The following ATRNL1 variants were observed in gnomAD, a reference collection of about 807,000 sequenced individuals.
ATRNL1 encodes the protein attractin-like protein 1.
A neutral mutation model predicts 182.7 loss-of-function variants in ATRNL1; 95 were observed. The observed-to-expected ratio is 0.52, with a 90% CI of 0.44 to 0.62. The LOEUF (loss-of-function observed/expected upper bound fraction) is 0.62, where lower values mean the gene tolerates loss of function less well. Among genes scored for constraint, ATRNL1 ranks in the 20% least tolerant of loss-of-function variants. The pLI, the probability that ATRNL1 is intolerant of heterozygous loss-of-function variation, is 0.00. For synonymous variants in ATRNL1, 576 were observed against 568.3 expected (o/e 1.01, Z -0.19); for missense variants, 1,471 against 1,679.5 (o/e 0.88, Z 2.17).
At chr10:115,315,790 G>A (rs1329967815) in intron 18 of ATRNL1, 54 bp downstream of exon 18, 26 of 1,444,182 alleles carry the variant, frequency 1.8e-5, no homozygotes, top group South Asian at 2.6e-5. Context: ...GATCCAAGAA[G>A]GAGTTTTTGT....
chr10:115,197,831 G>A (rs1848419841), intron 8 of ATRNL1, among the ~76,000 whole-genome samples: 1 of 152,058 alleles, frequency 6.6e-6, no homozygotes, highest in Non-Finnish European at 1.5e-5. Flanking sequence ...CACGTAAGTG[G>A]GCTCATAAAG....
chr10:115,944,535 C>A, intron 28 of ATRNL1, 123 bp from the exon 29 acceptor site: 1 of 745,550 alleles, frequency 1.3e-6, no homozygotes, highest in Non-Finnish European at 2.0e-6. Flanking sequence ...TGAAAACTTC[C>A]ATTAACAGCC....
chr10:115,307,734 C>T (rs892757629), intron 17 of ATRNL1, among the ~76,000 whole-genome samples: 3 of 152,052 alleles, frequency 2.0e-5, no homozygotes, highest in Non-Finnish European at 4.4e-5. Context: ...TTTTAACCAA[C>T]AGACATTTGT....
chr10:115,866,748 GT>G (rs1406781751), intron 28 of ATRNL1, among the ~76,000 whole-genome samples: 6 of 152,122 alleles, frequency 3.9e-5, no homozygotes, highest in African/African-American at 1.4e-4. Context: ...TTTTATGGGA[GT>G]TTTTTTTAAA....
intron 27 of ATRNL1, among the ~76,000 whole-genome samples, chr10:115,797,617 G>A (rs1362651665): frequency 6.6e-6 from 1 of 152,064 alleles, no homozygotes; most frequent in Non-Finnish European, 1.5e-5. Flanking sequence ...AAAATTGTAT[G>A]TGTGCACGTG....
chr10:115,673,103 G>T (rs1945750841), intron 26 of ATRNL1, among the ~76,000 whole-genome samples: 1 of 151,968 alleles, frequency 6.6e-6, no homozygotes, highest in African/African-American at 2.4e-5. Context: ...GTTCATTAAA[G>T]CTTGCAGATA....
chr10:115,150,513 G>A (rs969607893), intron 5 of ATRNL1, among the ~76,000 whole-genome samples: 2 of 151,722 alleles, frequency 1.3e-5, no homozygotes, highest in Admixed American at 1.3e-4. Context: ...GTATCCAATA[G>A]CTTTTAGTAT....
At chr10:115,436,189 C>A (rs946328738) in intron 21 of ATRNL1, among the ~76,000 whole-genome samples, 1 of 151,976 alleles carries the variant, frequency 6.6e-6, no homozygotes, top group Admixed American at 6.6e-5. Context: ...CTTCATTGAA[C>A]ATTTCTTTCA....
chr10:115,459,922 T>C (rs1393362316), intron 21 of ATRNL1, among the ~76,000 whole-genome samples: 1 of 152,120 alleles, frequency 6.6e-6, no homozygotes, highest in African/African-American at 2.4e-5. Context: ...CTTAGGAAAA[T>C]AGAAAAGAAC....
At chr10:115,837,099 A>G (rs1950692256) in intron 27 of ATRNL1, among the ~76,000 whole-genome samples, 1 of 152,176 alleles carries the variant, frequency 6.6e-6, no homozygotes, top group African/African-American at 2.4e-5. Flanking sequence ...ACAGATTTGA[A>G]GAGATATTTT....
At chr10:115,204,027 G>T (rs1287873805) in intron 8 of ATRNL1, among the ~76,000 whole-genome samples, 2 of 151,948 alleles carry the variant, frequency 1.3e-5, no homozygotes, top group East Asian at 3.9e-4. Flanking sequence ...TATAATCCTT[G>T]CTTATTTTTG....
At chr10:115,378,552 T>G (rs1857805531) in intron 19 of ATRNL1, among the ~76,000 whole-genome samples, 1 of 152,198 alleles carries the variant, frequency 6.6e-6, no homozygotes, top group Non-Finnish European at 1.5e-5. Flanking sequence ...TCTGACAAGC[T>G]TCTCACAGTG....
At chr10:115,632,206 A>G (rs1555026652) in intron 26 of ATRNL1, among the ~76,000 whole-genome samples, 1 of 152,172 alleles carries the variant, frequency 6.6e-6, no homozygotes, top group Non-Finnish European at 1.5e-5. Flanking sequence ...AAGCAAGGAG[A>G]CCATATAGGC....
At chr10:115,152,454 G>A (rs1846284322) in intron 5 of ATRNL1, among the ~76,000 whole-genome samples, 3 of 152,088 alleles carry the variant, frequency 2.0e-5, no homozygotes, top group Admixed American at 6.5e-5. Context: ...TGGATTCCTA[G>A]GTATTTTATT....
At chr10:115,717,263 AGG>A (rs1947281817) in intron 26 of ATRNL1, among the ~76,000 whole-genome samples, 1 of 152,150 alleles carries the variant, frequency 6.6e-6, no homozygotes, top group South Asian at 2.1e-4. Context: ...ATTTTGTTCC[AGG>A]CTAATTCTAA....
At chr10:115,937,888 C>T (rs1352980558) in intron 28 of ATRNL1, among the ~76,000 whole-genome samples, 8 of 152,316 alleles carry the variant, frequency 5.3e-5, no homozygotes, top group East Asian at 1.9e-4. Context: ...CTCATTCAGT[C>T]GTCCTGAAGC....
intron 21 of ATRNL1, among the ~76,000 whole-genome samples, chr10:115,434,190 T>C (rs1846296224): frequency 6.6e-6 from 1 of 152,150 alleles, no homozygotes; most frequent in South Asian, 2.1e-4. Flanking sequence ...ATTGTGAATG[T>C]TTTTCTTATA....
intron 25 of ATRNL1, among the ~76,000 whole-genome samples, chr10:115,522,698 A>C (rs1851006701): frequency 6.6e-6 from 1 of 152,198 alleles, no homozygotes; most frequent in African/African-American, 2.4e-5. Context: ...CCAAAGTCTC[A>C]TCTGAGACTC....
At chr10:115,163,536 A>T (rs1185112039) in intron 6 of ATRNL1, among the ~76,000 whole-genome samples, 1 of 151,474 alleles carries the variant, frequency 6.6e-6, no homozygotes, top group Non-Finnish European at 1.5e-5. Flanking sequence ...GCTAATTTTT[A>T]AATTTTTTTG....
Sources: allele counts gnomAD v4.1 joint callset (sites outside exome capture counted in the v4.1 genomes callset), GRCh38; gene constraint gnomAD v4.1.1; transcripts MANE v1.5; gene names NCBI Gene and HGNC (gene_info 2026-07-23, HGNC 2026-07-21).